Variants in FAM161A observed in about 807,000 individuals in gnomAD.
The protein encoded by FAM161A is protein FAM161A.
In FAM161A, 57 loss-of-function variants were observed where a neutral mutation model predicts 70.9. The observed-to-expected ratio is 0.80, with a 90% CI of 0.65 to 1.00. The LOEUF (loss-of-function observed/expected upper bound fraction) is 1.00. Among genes scored for constraint, FAM161A ranks in the 50% least tolerant of loss-of-function variants. The pLI is 0.00. For synonymous variants in FAM161A, 299 were observed against 295.7 expected, an observed-to-expected ratio of 1.01 and a Z score of -0.12; for missense variants, 880 against 836.0, an observed-to-expected ratio of 1.05 and a Z score of -0.65.
intron 1 of FAM161A, among the ~76,000 whole-genome samples, chr2:61,852,985 C>T (rs935843928): frequency 7.5e-6 from 1 of 134,034 alleles, no homozygotes; most frequent in African/African-American, 2.8e-5. Flanking sequence ...GATCTCAGCT[C>T]ACTGCAACCC....
chr2:61,825,078 T>C lies in FAM161A; in HGVS notation c.*1377A>G. On this transcript the variant is annotated 3_prime_UTR_variant, in exon 7 of 7. Transcript: ENST00000404929. ...CTTATTTTTAAATTTAAAGCATAAA[T>C]TGCCAGTTTGGAAACACTGCTATTA... 2.2e-6 allele frequency: 1 copy of C among 453,904 alleles called. No individual in the cohort carries two copies. The highest frequency in any genetic ancestry group is 4.4e-6 in the Non-Finnish European group (1 of 226,712). The allele number at this position is 453,904 out of a possible 1,614,324, so 28.1% of individuals were successfully genotyped here.
downstream of FAM161A, among the ~76,000 whole-genome samples, chr2:61,821,848 A>G (rs13414436): frequency 0.84 from 126,911 of 151,968 alleles, 53,535 homozygotes; most frequent in African/African-American, 0.95. Flanking sequence ...CAGCTCACTG[A>G]AATCTCTGCC....
At chr2:61,810,489 A>C in the FAM161A span, among the ~76,000 whole-genome samples, 1 of 109,412 alleles carries the variant, frequency 9.1e-6, no homozygotes, top group Admixed American at 1.3e-4. Flanking sequence ...ATGGAGTCTC[A>C]CTCTTGTTAT....
At chr2:61,807,380 G>T in the FAM161A span, among the ~76,000 whole-genome samples, 1 of 151,744 alleles carries the variant, frequency 6.6e-6, no homozygotes. Flanking sequence ...TATTTATTTA[G>T]TTTTTTCCAT....
In FAM161A at chr2:61,839,856, C is replaced by A; in HGVS notation, c.1148G>T (p.Arg383Met). The change falls in exon 3 of 7, where the codon AGG becomes ATG. Residue 383 changes from arginine to methionine, a missense_variant. Arg to Met is a moderately conservative substitution (Grantham distance 91, BLOSUM62 -1). Transcript: ENST00000404929. ...LKEEELYRNL[R>M]TQLRAQEHLQ... is the part of the protein sequence containing the mutation. Reference sequence around the variant, plus strand: ...ATGCTCCTGGGCTCTCAGCTGTGTCCTAAGGTTTCGATAGAGCTCTTCTTC... The same window carrying A: ...ATGCTCCTGGGCTCTCAGCTGTGTCATAAGGTTTCGATAGAGCTCTTCTTC... 6.2e-7 allele frequency: 1 copy of A among 1,614,168 alleles called. No individual in the cohort carries two copies. Among genetic ancestry groups the A allele is most frequent in the Non-Finnish European group, 8.5e-7 (1 of 1,180,022 alleles).
the FAM161A span, among the ~76,000 whole-genome samples, chr2:61,810,947 A>T: frequency 6.6e-6 from 1 of 152,168 alleles, no homozygotes; most frequent in South Asian, 2.1e-4. Context: ...GCAGGACAGG[A>T]CATCACAGCA....
the FAM161A span, among the ~76,000 whole-genome samples, chr2:61,804,850 A>AAGGGAGGG: frequency 6.9e-6 from 1 of 145,724 alleles, no homozygotes; most frequent in African/African-American, 2.5e-5. Flanking sequence ...AGCAAGGAAG[A>AAGGGAGGG]AGGGAGGGAG....
intron 5 of FAM161A, 52 bp downstream of exon 5, chr2:61,835,958 T>TA (rs11299120): frequency 0.035 from 35,817 of 1,022,850 alleles, 1 homozygote; most frequent in Non-Finnish European, 0.038. Context: ...GCTAAAGCTG[T>TA]AAAAAAAAAA....
chr2:61,853,037 G>A (rs530488030), intron 1 of FAM161A, among the ~76,000 whole-genome samples: 33 of 142,212 alleles, frequency 2.3e-4, no homozygotes, highest in Admixed American at 1.1e-3. Flanking sequence ...TCAGCCTTCC[G>A]AGTAACTAGG....
intron 1 of FAM161A, among the ~76,000 whole-genome samples, chr2:61,843,524 A>T (rs551841223): frequency 1.6e-4 from 24 of 152,198 alleles, no homozygotes; most frequent in Non-Finnish European, 3.1e-4. Flanking sequence ...AAACAGTTGA[A>T]ATTATTTATG....
downstream of FAM161A, among the ~76,000 whole-genome samples, chr2:61,823,109 T>C (rs1672240624): frequency 6.6e-6 from 1 of 150,980 alleles, no homozygotes. Context: ...CCGAGGCAGA[T>C]GGATGACGAG....
chr2:61,807,701 G>A, the FAM161A span, among the ~76,000 whole-genome samples: 2 of 148,424 alleles, frequency 1.3e-5, no homozygotes, highest in African/African-American at 2.5e-5. Flanking sequence ...GTGCAGTGGC[G>A]TGAATCATGG....
chr2:61,807,654 T>G, the FAM161A span, among the ~76,000 whole-genome samples: 1 of 142,490 alleles, frequency 7.0e-6, no homozygotes, highest in Non-Finnish European at 1.5e-5. Context: ...TTTTTTTTTT[T>G]GTTGAGACAA....
intron 1 of FAM161A, 62 bp from the exon 2 acceptor site, chr2:61,842,422 C>CT (rs1673052373): frequency 9.6e-7 from 1 of 1,037,784 alleles, no homozygotes. Flanking sequence ...TAAGCTGACA[C>CT]TGATCCAAAA....
chr2:61,820,225 G>C (rs1485115553), downstream of FAM161A: 4 of 600,986 alleles, frequency 6.7e-6, no homozygotes, highest in Non-Finnish European at 1.2e-5. Flanking sequence ...CTCCTAAACA[G>C]CCAAGCAGCT....
At chr2:61,817,355 A>G in the FAM161A span, among the ~76,000 whole-genome samples, 116 of 152,376 alleles carry the variant, frequency 7.6e-4, 1 homozygote, top group Admixed American at 1.2e-3. Context: ...AAGAAAATGC[A>G]AGAATGCTTC....
chr2:61,837,706 A>G (rs1672828011), intron 4 of FAM161A, among the ~76,000 whole-genome samples: 1 of 152,066 alleles, frequency 6.6e-6, no homozygotes, highest in East Asian at 1.9e-4. Context: ...GATCCAGCCT[A>G]GGTGACAGAG....
the FAM161A span, among the ~76,000 whole-genome samples, chr2:61,815,067 G>A: frequency 6.6e-6 from 1 of 152,066 alleles, no homozygotes; most frequent in Non-Finnish European, 1.5e-5. Flanking sequence ...TGATGCCTAG[G>A]GGTCCACAAA....
chr2:61,809,984 C>T, the FAM161A span, among the ~76,000 whole-genome samples: 1 of 152,188 alleles, frequency 6.6e-6, no homozygotes, highest in Non-Finnish European at 1.5e-5. Flanking sequence ...CATTGGAGGG[C>T]ATCTTAAACC....
Sources: gnomAD v4.1 joint callset for allele counts (sites outside exome capture counted in the v4.1 genomes callset) on GRCh38, gnomAD v4.1.1 for gene constraint, MANE v1.5 for transcripts, NCBI Gene and HGNC (gene_info 2026-07-23, HGNC 2026-07-21) for gene names.